CTNNA1: variants seen among roughly 807,000 people sequenced by gnomAD.
CTNNA1 encodes the protein catenin alpha 1, also known as catenin alpha-1.
In CTNNA1, 37 loss-of-function variants were observed where a neutral mutation model predicts 98.4. The observed-to-expected ratio is 0.38, with a 90% CI of 0.29 to 0.49. CTNNA1 has a LOEUF of 0.49. CTNNA1 is among the 20% of genes least tolerant of loss of function. The pLI, the probability that CTNNA1 is intolerant of heterozygous loss-of-function variation, is 0.95. For missense variants in CTNNA1, 761 were observed against 1,147.2 expected, an observed-to-expected ratio of 0.66 and a Z score of 4.86; for synonymous variants, 404 against 413.2, an observed-to-expected ratio of 0.98 and a Z score of 0.27.
chr5:138,907,065 A>G (rs1759420538), intron 10 of CTNNA1, among the ~76,000 whole-genome samples: 1 of 152,108 alleles, frequency 6.6e-6, no homozygotes, highest in South Asian at 2.1e-4. Flanking sequence ...TCTGTCACCC[A>G]GGCTGGAGTG....
intron 7 of CTNNA1, among the ~76,000 whole-genome samples, chr5:138,884,612 T>C (rs373971414): frequency 8.5e-5 from 13 of 152,380 alleles, no homozygotes; most frequent in East Asian, 7.7e-4. Context: ...ATTTGGAATT[T>C]GGTATCTTAT....
intron 1 of CTNNA1, among the ~76,000 whole-genome samples, chr5:138,777,306 C>T (rs866272608): frequency 8.9e-6 from 1 of 112,788 alleles, no homozygotes; most frequent in Non-Finnish European, 2.0e-5. Flanking sequence ...GGATGGCGGC[C>T]GGGAAGAGGC....
chr5:138,779,720 T>TG (rs1216325385), intron 1 of CTNNA1, among the ~76,000 whole-genome samples: 13 of 74,820 alleles, frequency 1.7e-4, no homozygotes, highest in African/African-American at 5.8e-4. Context: ...TTTTTTTGTT[T>TG]TTGTTTTTTT....
chr5:138,833,850 TTA>T (rs1164988776), intron 7 of CTNNA1, among the ~76,000 whole-genome samples: 1 of 152,230 alleles, frequency 6.6e-6, no homozygotes, highest in East Asian at 1.9e-4. Flanking sequence ...AGGATACATT[TTA>T]TCTTTGTTCT....
intron 1 of CTNNA1, among the ~76,000 whole-genome samples, chr5:138,776,039 C>CTTGTTTTT (rs1754101192): frequency 1.2e-5 from 1 of 83,884 alleles, no homozygotes; most frequent in Non-Finnish European, 2.1e-5. Flanking sequence ...GGAAATGTTT[C>CTTGTTTTT]TTTTTTTTTT....
At chr5:138,845,914 TTTTTTTTGTTTTTTTG>T (rs869073182) in intron 7 of CTNNA1, among the ~76,000 whole-genome samples, 1 of 83,536 alleles carries the variant, frequency 1.2e-5, no homozygotes, top group South Asian at 4.5e-4. Flanking sequence ...AGGGTACAGG[TTTTTTTTGTTTTTTTG>T]TTTTTTGTTT....
intron 3 of CTNNA1, among the ~76,000 whole-genome samples, chr5:138,791,614 T>TCAAA (rs1363874098): frequency 2.3e-4 from 1 of 4,438 alleles, no homozygotes; most frequent in Non-Finnish European, 3.3e-4. Context: ...AGACTCCGTC[T>TCAAA]CAAAAAAAAA....
chr5:138,897,296 C>CG (rs1757050849), intron 9 of CTNNA1, among the ~76,000 whole-genome samples: 1 of 47,708 alleles, frequency 2.1e-5, no homozygotes, highest in South Asian at 1.4e-3. Flanking sequence ...CACACCGCAC[C>CG]CCCCCCCCCC....
intron 7 of CTNNA1, among the ~76,000 whole-genome samples, chr5:138,860,496 GTTTGTTTTGT>G (rs59940464): frequency 2.0e-5 from 3 of 150,232 alleles, no homozygotes; most frequent in South Asian, 4.2e-4. Context: ...GGTTTTTTTT[GTTTGTTTTGT>G]TTTGTTTTGT....
intron 17 of CTNNA1, 44 bp downstream of exon 17, chr5:138,932,756 G>A (rs773457394): frequency 2.5e-6 from 4 of 1,610,400 alleles, no homozygotes; most frequent in African/African-American, 1.3e-5. Flanking sequence ...GGAACGTGCT[G>A]ACCCTTGTCA....
chr5:138,899,653 A>G (rs1048607406), intron 9 of CTNNA1, among the ~76,000 whole-genome samples: 7 of 152,144 alleles, frequency 4.6e-5, no homozygotes, highest in Admixed American at 1.3e-4. Flanking sequence ...TTAAAACCCA[A>G]GTTCTCATCA....
chr5:138,934,251 AG>A lies in CTNNA1; in HGVS notation c.*163del, dbSNP rs1941083556. 1 of 588,844 alleles carries A rather than the reference AG, an allele frequency of 1.7e-6. No individual in the cohort carries two copies. The highest frequency in any genetic ancestry group is 1.9e-5 in the African/African-American group (1 of 53,572). The allele number at this position is 588,844 out of a possible 1,614,324, so 36.5% of individuals were successfully genotyped here. The stretch of plus-strand genomic sequence containing the variant: ...GTGAATTTTCCAAGAACATAGTTTA[AG>A]TTGATTAAAAATGCTTTTAGAATGC... On this transcript the variant is annotated 3_prime_UTR_variant, in exon 18 of 18. Transcript: ENST00000302763.
intron 9 of CTNNA1, among the ~76,000 whole-genome samples, chr5:138,892,515 T>G (rs1755681688): frequency 6.6e-6 from 1 of 151,368 alleles, no homozygotes; most frequent in South Asian, 2.1e-4. Flanking sequence ...TTTTTGTATT[T>G]TTAGAAGAGA....
intron 7 of CTNNA1, among the ~76,000 whole-genome samples, chr5:138,857,925 G>A (rs559502589): frequency 4.4e-4 from 67 of 152,230 alleles, no homozygotes; most frequent in Admixed American, 1.4e-3. Context: ...ATGTAGGGAA[G>A]CTGAAAGAAT....
At chr5:138,932,756 G>T (rs773457394) in intron 17 of CTNNA1, 44 bp downstream of exon 17, 1 of 1,610,518 alleles carries the variant, frequency 6.2e-7, no homozygotes, top group East Asian at 2.2e-5. Flanking sequence ...GGAACGTGCT[G>T]ACCCTTGTCA....
At chr5:138,818,281 T>TTG (rs980689455) in intron 5 of CTNNA1, among the ~76,000 whole-genome samples, 1 of 149,008 alleles carries the variant, frequency 6.7e-6, no homozygotes, top group African/African-American at 2.5e-5. Flanking sequence ...TTTTTTTTTT[T>TTG]GGGAGCGGGG....
At chr5:138,812,764 T>C (rs1383306178) in intron 5 of CTNNA1, among the ~76,000 whole-genome samples, 1 of 152,242 alleles carries the variant, frequency 6.6e-6, no homozygotes, top group Admixed American at 6.5e-5. Flanking sequence ...TTTTCCATTG[T>C]GTGGCATGAG....
At chr5:138,892,345 T>G (rs1342386512) in intron 9 of CTNNA1, among the ~76,000 whole-genome samples, 2 of 136,020 alleles carry the variant, frequency 1.5e-5, no homozygotes, top group Non-Finnish European at 3.2e-5. Context: ...TTTTTTTTTT[T>G]TTTTTTTTTT....
chr5:138,859,829 G>A (rs543264660), intron 7 of CTNNA1, among the ~76,000 whole-genome samples: 1 of 152,270 alleles, frequency 6.6e-6, no homozygotes, highest in East Asian at 1.9e-4. Flanking sequence ...AATCGCTTGA[G>A]CCCAGGAGGC....
Sources: allele counts gnomAD v4.1 joint callset (sites outside exome capture counted in the v4.1 genomes callset), GRCh38; gene constraint gnomAD v4.1.1; transcripts MANE v1.5; gene names NCBI Gene and HGNC (gene_info 2026-07-23, HGNC 2026-07-21).